SUB1: variants seen among roughly 807,000 people sequenced by gnomAD.
The protein encoded by SUB1 is activated RNA polymerase II transcriptional coactivator p15.
SUB1 carries 1 observed loss-of-function variant against 16.9 expected under a neutral mutation model. The ratio of observed to expected loss-of-function variants is 0.06; its 90% CI spans 0.02 to 0.28. The LOEUF (loss-of-function observed/expected upper bound fraction) is 0.28. Among genes scored for constraint, SUB1 ranks in the 10% least tolerant of loss-of-function variants. SUB1 has a pLI of 1.00. For synonymous variants in SUB1, 51 were observed against 46.9 expected (o/e 1.09, Z -0.36); for missense variants, 84 against 145.2 (o/e 0.58, Z 2.16).
chr5:32,599,182 A>C, intron 4 of SUB1, 113 bp downstream of exon 4: 1 of 708,008 alleles, frequency 1.4e-6, no homozygotes, highest in Non-Finnish European at 2.4e-6. Context: ...AGTCTTACTC[A>C]ATTGATTCTC....
At chr5:32,586,188 C>T (rs62367597) in intron 1 of SUB1, 1 of 152,266 alleles carries the variant, frequency 6.6e-6, no homozygotes, top group Non-Finnish European at 1.5e-5. Context: ...CACGCCCCCT[C>T]CGACCAACCT....
intron 3 of SUB1, chr5:32,594,597 G>A (rs889438277): frequency 4.4e-6 from 2 of 454,910 alleles, no homozygotes; most frequent in African/African-American, 2.0e-5. Context: ...TTATCACAGG[G>A]GTCCCTCCTG....
In SUB1 at chr5:32,599,824, C is replaced by CT. The variant is rs559742562; in HGVS notation, c.304+763dup. Among the ~76,000 whole-genome samples the CT allele has an allele frequency of 1.4e-4, 21 of 151,314 alleles. 1 individual carries two copies. The East Asian group carries it at 2.1e-3, about 15-fold the overall frequency. On this transcript the variant is annotated intron_variant, in intron 4 of 4. Transcript: ENST00000265073. ...GCCGATGCCATATTTCTTGTTTATTCTTTTTTTTCAATTTCATGGCCTTCC... is the reference window on the plus strand; with the variant it reads ...GCCGATGCCATATTTCTTGTTTATTCTTTTTTTTTCAATTTCATGGCCTTCC...
At chr5:32,599,435 C>A (rs572616307) in intron 4 of SUB1, among the ~76,000 whole-genome samples, 1 of 152,320 alleles carries the variant, frequency 6.6e-6, no homozygotes, top group Admixed American at 6.5e-5. Flanking sequence ...TGATTCAGCT[C>A]CTAAAAGCTA....
Position 32,599,088 on chromosome 5 carries a change from A to T in SUB1, c.304+19A>T. 6.3e-7 allele frequency: 1 copy of T among 1,588,808 alleles called. No homozygotes were observed. Among genetic ancestry groups the T allele is most frequent in the Non-Finnish European group, 8.6e-7 (1 of 1,158,408 alleles). On this transcript the variant is annotated intron_variant, in intron 4 of 4. Coordinates refer to ENST00000265073, the MANE Select transcript of SUB1 (RefSeq NM_006713.4). ...AGAAAAGGTGAGGTCTAATTACTTG[A>T]ATTTTATTACAGTGTTAGGACTAAA... is the stretch of plus-strand genomic sequence containing the variant.
intron 3 of SUB1, chr5:32,597,886 A>G (rs891333217): frequency 6.6e-6 from 1 of 152,182 alleles, no homozygotes; most frequent in African/African-American, 2.4e-5. Flanking sequence ...AGAAAATCAT[A>G]AGGGAGAAAA....
chr5:32,593,248 G>A (rs370726492), intron 3 of SUB1, among the ~76,000 whole-genome samples: 9 of 152,082 alleles, frequency 5.9e-5, no homozygotes, highest in South Asian at 4.2e-4. Flanking sequence ...CAAGTGATGC[G>A]CCCACCTTGG....
rs376502558 is a variant in SUB1 at position 32,601,027 on chromosome 5, A to G, written c.327A>G (p.Gln109=). 4.7e-5 allele frequency: 75 copies of G among 1,612,408 alleles called. 1 individual carries two copies. The highest frequency in any genetic ancestry group is 5.8e-5 in the Non-Finnish European group (68 of 1,179,780). ...TAGGTATTTCTTTAAATCCAGAACAATGGAGCCAGCTGAAGGAACAGATTT... is the reference window on the plus strand; with the variant it reads ...TAGGTATTTCTTTAAATCCAGAACAGTGGAGCCAGCTGAAGGAACAGATTT... ...GRKGISLNPE[Q]WSQLKEQISD... is the part of the protein sequence containing the mutation. The change falls in exon 5 of 5, where the codon CAA becomes CAG. Residue 109 remains glutamine (Q), a synonymous_variant. Coordinates refer to ENST00000265073, the MANE Select transcript of SUB1 (RefSeq NM_006713.4).
chr5:32,588,944 G>C (rs1437263761), intron 2 of SUB1, among the ~76,000 whole-genome samples: 1 of 152,162 alleles, frequency 6.6e-6, no homozygotes, highest in Non-Finnish European at 1.5e-5. Context: ...CCCTAAATCA[G>C]ACTTAACAAG....
chr5:32,589,489 TTG>T (rs1738762464), intron 2 of SUB1, among the ~76,000 whole-genome samples: 1 of 152,220 alleles, frequency 6.6e-6, no homozygotes, highest in South Asian at 2.1e-4. Context: ...TGTACTAAGT[TTG>T]TGCTCTGGTC....
chr5:32,598,902 A>G (rs561547225), intron 3 of SUB1, 59 bp from the exon 4 acceptor site: 113 of 1,335,782 alleles, frequency 8.5e-5, no homozygotes, highest in Non-Finnish European at 1.1e-4. Context: ...TATGAATACA[A>G]TTGAAACAGA....
At chr5:32,600,004 A>G (rs866530150) in intron 4 of SUB1, among the ~76,000 whole-genome samples, 4 of 152,290 alleles carry the variant, frequency 2.6e-5, no homozygotes, top group East Asian at 3.9e-4. Context: ...CATATCTCAC[A>G]TTTTTTAACC....
chr5:32,586,386 G>A (rs140015801), intron 1 of SUB1: 1,694 of 152,262 alleles, frequency 0.011, 15 homozygotes, highest in Middle Eastern at 0.021. Context: ...TGAAGATTTC[G>A]TTTCTCTTTT....
chr5:32,603,536 C>T lies in SUB1; in HGVS notation c.*2452C>T, dbSNP rs1317159457. 1 of 152,104 alleles carries T rather than the reference C, an allele frequency of 6.6e-6. No homozygotes were observed. The highest frequency in any genetic ancestry group is 1.5e-5 in the Non-Finnish European group (1 of 67,988). The allele number at this position is 152,104 out of a possible 1,614,324, so 9.4% of individuals were successfully genotyped here. A position where few individuals can be genotyped will look rare whatever the true frequency, so the allele number is the denominator to read the frequency against. The stretch of plus-strand genomic sequence containing the variant: ...TGCTCTTAGCATTTTACTTAAAGAA[C>T]AACCACTACAAAAGAAAATCTTTGT... On this transcript the variant is annotated 3_prime_UTR_variant, in exon 5 of 5. Transcript: ENST00000265073.
chr5:32,599,998 T>C (rs760946376), intron 4 of SUB1, among the ~76,000 whole-genome samples: 1 of 152,238 alleles, frequency 6.6e-6, no homozygotes, highest in Non-Finnish European at 1.5e-5. Flanking sequence ...GAAAGACATA[T>C]CTCACATTTT....
At chr5:32,589,820 C>T (rs1010981120) in intron 2 of SUB1, among the ~76,000 whole-genome samples, 46 of 151,480 alleles carry the variant, frequency 3.0e-4, no homozygotes, top group Non-Finnish European at 2.2e-4. Flanking sequence ...CTGTGATTTC[C>T]GAAAGTTTAT....
In SUB1 at chr5:32,588,382, C is replaced by G; in HGVS notation, c.-1-130C>G. Reference sequence around the variant, plus strand: ...TTAAAACTTGTGCTCAGTGTAACAACTCAGTACCACAAAAATGGTAGAATG... The same window carrying G: ...TTAAAACTTGTGCTCAGTGTAACAAGTCAGTACCACAAAAATGGTAGAATG... On this transcript the variant is annotated intron_variant, in intron 1 of 4. Coordinates refer to ENST00000265073, the MANE Select transcript of SUB1 (RefSeq NM_006713.4). 5.1e-6 allele frequency: 4 copies of G among 780,004 alleles called. No homozygotes were observed. In the South Asian group the frequency reaches 7.5e-5, roughly 15 times the overall value. The allele number at this position is 780,004 out of a possible 1,614,324, so 48.3% of individuals were successfully genotyped here.
At chr5:32,594,584 C>A in intron 3 of SUB1, 1 of 454,542 alleles carries the variant, frequency 2.2e-6, no homozygotes, top group South Asian at 1.6e-5. Flanking sequence ...TTATTCATAA[C>A]CTTTATCACA....
rs1216117362 is a variant in SUB1 at position 32,602,205 on chromosome 5, T to C, written c.*1121T>C. The C allele has an allele frequency of 4.4e-6, 2 of 455,630 alleles. No homozygotes were observed. Among genetic ancestry groups the C allele is most frequent in the Non-Finnish European group, 8.8e-6 (2 of 226,672 alleles). The allele number at this position is 455,630 out of a possible 1,614,324, so 28.2% of individuals were successfully genotyped here. On this transcript the variant is annotated 3_prime_UTR_variant, in exon 5 of 5. Coordinates refer to ENST00000265073, the MANE Select transcript of SUB1 (RefSeq NM_006713.4). ...AACCATACTGATGAAGCAGACAGATTGAGGCACAGATTTTAGTGGCTTTGT... is the reference window on the plus strand; with the variant it reads ...AACCATACTGATGAAGCAGACAGATCGAGGCACAGATTTTAGTGGCTTTGT...
Sources: gnomAD v4.1 joint callset for allele counts (sites outside exome capture counted in the v4.1 genomes callset) on GRCh38, gnomAD v4.1.1 for gene constraint, MANE v1.5 for transcripts, NCBI Gene and HGNC (gene_info 2026-07-23, HGNC 2026-07-21) for gene names.